The following GPC5 variants were observed in gnomAD, a reference collection of about 807,000 sequenced individuals.
GPC5 encodes the protein glypican-5.
Under a neutral mutation model 53.9 loss-of-function variants are expected in GPC5, and 47 were observed. The ratio of observed to expected loss-of-function variants is 0.87; its 90% CI spans 0.69 to 1.11. The LOEUF is 1.11. Among genes scored for constraint, GPC5 ranks in the 50% most tolerant of loss-of-function variants. GPC5 has a pLI of 0.00. For missense variants in GPC5, 748 were observed against 713.1 expected, an observed-to-expected ratio of 1.05 and a Z score of -0.56; for synonymous variants, 286 against 263.3, an observed-to-expected ratio of 1.09 and a Z score of -0.84.
intron 7 of GPC5, among the ~76,000 whole-genome samples, chr13:92,788,849 G>A (rs1002543493): frequency 2.6e-5 from 4 of 152,056 alleles, no homozygotes; most frequent in East Asian, 1.9e-4. Context: ...GAAAAGCCTC[G>A]GTGTATGGCA....
chr13:92,476,575 C>T (rs1879139843), intron 7 of GPC5, among the ~76,000 whole-genome samples: 1 of 150,702 alleles, frequency 6.6e-6, no homozygotes, highest in Non-Finnish European at 1.5e-5. Flanking sequence ...AATCATGCTG[C>T]TATAAAGACA....
chr13:91,962,969 G>A (rs552180500), intron 6 of GPC5, among the ~76,000 whole-genome samples: 4 of 152,194 alleles, frequency 2.6e-5, no homozygotes, highest in African/African-American at 9.6e-5. Flanking sequence ...ACTATTCCAT[G>A]TGCCTTATTA....
intron 1 of GPC5, among the ~76,000 whole-genome samples, chr13:91,403,844 C>A (rs533711264): frequency 6.6e-6 from 1 of 152,286 alleles, no homozygotes; most frequent in South Asian, 2.1e-4. Flanking sequence ...AGGTGCTGAA[C>A]TATACTGATC....
intron 4 of GPC5, among the ~76,000 whole-genome samples, chr13:91,732,234 C>T (rs572498386): frequency 1.4e-4 from 22 of 152,252 alleles, no homozygotes; most frequent in Admixed American, 6.5e-4. Context: ...TTCTGACTGG[C>T]GTGAGATAGT....
At chr13:92,793,993 C>G (rs776977442) in intron 7 of GPC5, among the ~76,000 whole-genome samples, 1 of 152,054 alleles carries the variant, frequency 6.6e-6, no homozygotes, top group Non-Finnish European at 1.5e-5. Flanking sequence ...GAAACTATTC[C>G]AATCTACAGA....
rs148809358 is a variant in GPC5 at position 92,071,552 on chromosome 13, T to C, written c.1402-73278T>C. Among the ~76,000 whole-genome samples, 23 of 152,160 alleles carry C rather than the reference T, an allele frequency of 1.5e-4. No individual in the cohort carries two copies. The East Asian group carries it at 4.4e-3, about 29-fold the overall frequency. ...CATTATCTGCTGAGTAAACTTTTCT[T>C]ATCCCTCTAACTTGAAATACCAAAA... On this transcript the variant is annotated intron_variant, in intron 6 of 7. Coordinates refer to ENST00000377067, the MANE Select transcript of GPC5 (RefSeq NM_004466.6).
intron 7 of GPC5, among the ~76,000 whole-genome samples, chr13:92,553,775 A>T (rs1472495810): frequency 6.6e-6 from 1 of 151,948 alleles, no homozygotes; most frequent in Non-Finnish European, 1.5e-5. Flanking sequence ...TTATACAAAC[A>T]TGGAAAAATT....
At chr13:92,757,625 A>C (rs1874946304) in intron 7 of GPC5, among the ~76,000 whole-genome samples, 1 of 152,176 alleles carries the variant, frequency 6.6e-6, no homozygotes, top group African/African-American at 2.4e-5. Flanking sequence ...GAACTTAAAC[A>C]AATTTACAAG....
At chr13:92,197,751 A>T (rs2042267363) in intron 7 of GPC5, among the ~76,000 whole-genome samples, 1 of 151,642 alleles carries the variant, frequency 6.6e-6, no homozygotes, top group Non-Finnish European at 1.5e-5. Context: ...CCTGGGCTTA[A>T]GCGATCCACC....
chr13:92,119,557 C>T (rs865799469), intron 6 of GPC5, among the ~76,000 whole-genome samples: 9 of 141,038 alleles, frequency 6.4e-5, no homozygotes, highest in African/African-American at 1.8e-4. Flanking sequence ...CCCGCCACCT[C>T]GCCTGGCTAA....
At chr13:91,866,557 C>T (rs765087100) in intron 5 of GPC5, among the ~76,000 whole-genome samples, 2 of 152,160 alleles carry the variant, frequency 1.3e-5, no homozygotes, top group South Asian at 4.1e-4. Flanking sequence ...AATACTTCGG[C>T]TCCCCCTTTG....
intron 1 of GPC5, among the ~76,000 whole-genome samples, chr13:91,415,523 C>T (rs963112471): frequency 6.6e-6 from 1 of 152,108 alleles, no homozygotes; most frequent in African/African-American, 2.4e-5. Context: ...TTTGGTTTCC[C>T]CAATGAGCCA....
chr13:92,159,920 T>C (rs758179466), intron 7 of GPC5, among the ~76,000 whole-genome samples: 3 of 150,768 alleles, frequency 2.0e-5, no homozygotes, highest in Non-Finnish European at 3.0e-5. Flanking sequence ...CTTTTTTTAA[T>C]TGAGAGGAGT....
chr13:92,291,370 G>T (rs180802564), intron 7 of GPC5, among the ~76,000 whole-genome samples: 1 of 152,238 alleles, frequency 6.6e-6, no homozygotes, highest in East Asian at 1.9e-4. Context: ...TACACCGATC[G>T]GCACTCTGTA....
At chr13:91,586,297 T>C (rs1375982488) in intron 2 of GPC5, among the ~76,000 whole-genome samples, 1 of 149,272 alleles carries the variant, frequency 6.7e-6, no homozygotes, top group African/African-American at 2.5e-5. Context: ...CCTGGCTATA[T>C]GTAGGAATAT....
chr13:92,643,785 A>T (rs1885672405), intron 7 of GPC5, among the ~76,000 whole-genome samples: 1 of 150,712 alleles, frequency 6.6e-6, no homozygotes, highest in Non-Finnish European at 1.5e-5. Flanking sequence ...CTAGATGACG[A>T]GTTAGTGGGT....
intron 7 of GPC5, among the ~76,000 whole-genome samples, chr13:92,608,867 T>A (rs544753614): frequency 4.8e-4 from 73 of 152,316 alleles, no homozygotes; most frequent in African/African-American, 1.6e-3. Context: ...CCAACCATAG[T>A]GTATAGGGGG....
At position 92,621,181 on chromosome 13, in the gene GPC5, G is replaced by A. The variant is rs557426224; in HGVS notation, c.1562-245101G>A. On this transcript the variant is annotated intron_variant, in intron 7 of 7. Coordinates refer to ENST00000377067, the MANE Select transcript of GPC5 (RefSeq NM_004466.6). ...GATAACGTTTTATGTAAGCAGAGTT[G>A]TCATCAGACAATGTTATCCTCTGGC... is the stretch of plus-strand genomic sequence containing the variant. Among the ~76,000 whole-genome samples the A allele has an allele frequency of 1.2e-4, 18 of 152,232 alleles. 2 individuals are homozygous for A. The highest frequency in any genetic ancestry group is 4.3e-4 in the African/African-American group (18 of 41,534).
intron 6 of GPC5, among the ~76,000 whole-genome samples, chr13:92,078,629 G>A (rs1451411979): frequency 2.6e-5 from 4 of 151,964 alleles, no homozygotes; most frequent in Non-Finnish European, 5.9e-5. Context: ...TGTCAGTCTT[G>A]CTCCAATATC....
Sources: gnomAD v4.1 joint callset for allele counts (sites outside exome capture counted in the v4.1 genomes callset) on GRCh38, gnomAD v4.1.1 for gene constraint, MANE v1.5 for transcripts, NCBI Gene and HGNC (gene_info 2026-07-23, HGNC 2026-07-21) for gene names.